SGMS1: variants seen among roughly 807,000 people sequenced by gnomAD.
SGMS1 encodes the protein phosphatidylcholine:ceramide cholinephosphotransferase 1.
SGMS1 carries 13 observed loss-of-function variants against 46.2 expected under a neutral mutation model. The observed-to-expected ratio is 0.28, with a 90% confidence interval of 0.18 to 0.45. The LOEUF is 0.45. Among genes scored for constraint, SGMS1 ranks in the 20% least tolerant of loss-of-function variants. The pLI, the probability that SGMS1 is intolerant of heterozygous loss-of-function variation, is 1.00. For synonymous variants in SGMS1, 203 were observed against 187.8 expected (o/e 1.08, Z -0.66); for missense variants, 324 against 519.9 (o/e 0.62, Z 3.66).
intron 6 of SGMS1, among the ~76,000 whole-genome samples, chr10:50,391,840 T>TAAA (rs146392084): frequency 5.7e-5 from 7 of 123,476 alleles, no homozygotes; most frequent in Admixed American, 8.5e-5. Context: ...ATGCAATCAT[T>TAAA]AAAAAAAAAA....
At chr10:50,595,637 T>C (rs993257646) in intron 1 of SGMS1, among the ~76,000 whole-genome samples, 1 of 152,238 alleles carries the variant, frequency 6.6e-6, no homozygotes, top group Admixed American at 6.5e-5. Flanking sequence ...TATTGTTGAC[T>C]TCAAAGTTCA....
intron 3 of SGMS1, among the ~76,000 whole-genome samples, chr10:50,495,964 G>C (rs539430568): frequency 6.6e-6 from 1 of 152,146 alleles, no homozygotes. Context: ...TTAAAGTCAT[G>C]TGCACGTATT....
chr10:50,539,106 G>A (rs1838029754), intron 2 of SGMS1, among the ~76,000 whole-genome samples: 1 of 152,242 alleles, frequency 6.6e-6, no homozygotes, highest in African/African-American at 2.4e-5. Context: ...AACAGTGACA[G>A]CCCTGGTGAG....
At chr10:50,322,605 G>T (rs978763062) in intron 8 of SGMS1, among the ~76,000 whole-genome samples, 13 of 151,808 alleles carry the variant, frequency 8.6e-5, no homozygotes, top group Non-Finnish European at 1.8e-4. Context: ...GGCCGAGGCG[G>T]GTGGATCATG....
chr10:50,614,227 T>C (rs1003527288), intron 1 of SGMS1, among the ~76,000 whole-genome samples: 1 of 152,122 alleles, frequency 6.6e-6, no homozygotes, highest in African/African-American at 2.4e-5. Context: ...TGCTGACTTA[T>C]ATTTCCAAGT....
At chr10:50,499,938 G>T (rs1238338422) in intron 3 of SGMS1, among the ~76,000 whole-genome samples, 8 of 152,210 alleles carry the variant, frequency 5.3e-5, no homozygotes. Context: ...GGAGGCAAAG[G>T]CGGGCGGATC....
chr10:50,323,089 T>C (rs919054867), intron 8 of SGMS1, among the ~76,000 whole-genome samples: 2 of 152,232 alleles, frequency 1.3e-5, no homozygotes, highest in Middle Eastern at 3.2e-3. Flanking sequence ...GAAACATTTA[T>C]GGGAAGCCTA....
intron 8 of SGMS1, among the ~76,000 whole-genome samples, chr10:50,317,872 C>T (rs1215815026): frequency 5.3e-5 from 8 of 149,766 alleles, no homozygotes; most frequent in East Asian, 2.0e-4. Flanking sequence ...GGCACAATCT[C>T]GGCTCACTGC....
intron 7 of SGMS1, among the ~76,000 whole-genome samples, chr10:50,338,879 A>C (rs983209464): frequency 2.0e-5 from 3 of 151,968 alleles, no homozygotes; most frequent in African/African-American, 4.8e-5. Context: ...AGCTGGGATT[A>C]CAGGTATGTG....
rs1223273649 is a variant in SGMS1 at position 50,308,087 on chromosome 10, G to A, written c.957C>T (p.Ile319=). 6.2e-7 allele frequency: 1 copy of A among 1,613,980 alleles called. No individual in the cohort carries two copies. The highest frequency in any genetic ancestry group is 8.5e-7 in the Non-Finnish European group (1 of 1,179,924). The change falls in exon 10 of 11, where the codon ATC becomes ATT. Residue 319 remains isoleucine, a synonymous_variant. Coordinates refer to ENST00000361781, the MANE Select transcript of SGMS1 (RefSeq NM_147156.4). The part of the protein sequence containing the change: ...WICWLLSVVG[I]FCILLAHDHY... Reference sequence around the variant, plus strand: ...GGTCATGCGCTAAGAGAATACAGAAGATTCCAACTACGCTGAGAAGCCAGC... The same window carrying A: ...GGTCATGCGCTAAGAGAATACAGAAAATTCCAACTACGCTGAGAAGCCAGC...
chr10:50,335,467 A>G (rs1375189118), intron 7 of SGMS1: 2 of 152,228 alleles, frequency 1.3e-5, no homozygotes, highest in African/African-American at 4.8e-5. Flanking sequence ...TTTGTAGGTA[A>G]GGAAACAATG....
chr10:50,523,048 G>A (rs966262060), intron 2 of SGMS1, among the ~76,000 whole-genome samples: 1 of 152,124 alleles, frequency 6.6e-6, no homozygotes, highest in South Asian at 2.1e-4. Context: ...AAGTGTTCAA[G>A]CAGGAAACCA....
At chr10:50,550,503 A>G (rs1022032760) in intron 2 of SGMS1, among the ~76,000 whole-genome samples, 3 of 152,174 alleles carry the variant, frequency 2.0e-5, no homozygotes, top group Non-Finnish European at 4.4e-5. Flanking sequence ...TTTCAAGGCC[A>G]ACACCTCTGG....
intron 7 of SGMS1, among the ~76,000 whole-genome samples, chr10:50,338,333 C>T (rs1183022600): frequency 6.6e-6 from 1 of 152,182 alleles, no homozygotes; most frequent in African/African-American, 2.4e-5. Context: ...TACCCTGTGA[C>T]ATCTAATTTC....
At chr10:50,499,964 C>T (rs757631826) in intron 3 of SGMS1, among the ~76,000 whole-genome samples, 20 of 152,140 alleles carry the variant, frequency 1.3e-4, no homozygotes, top group Non-Finnish European at 2.2e-4. Context: ...GTCTGGAGTT[C>T]GAGACCAGCC....
intron 3 of SGMS1, among the ~76,000 whole-genome samples, chr10:50,504,318 C>A (rs1837686868): frequency 6.6e-6 from 1 of 152,136 alleles, no homozygotes; most frequent in Admixed American, 6.5e-5. Flanking sequence ...AATTCTTAAG[C>A]TTAGGTAAGT....
At position 50,546,153 on chromosome 10, in the gene SGMS1, T is replaced by C. The variant is rs145394504; in HGVS notation, c.-588-26232A>G. ...TCACTCCTGCTTGGTGATTTGGTGA[T>C]TCTGTTGGTTGGACAATGTGGGAGG... On this transcript the variant is annotated intron_variant, in intron 2 of 10. Coordinates refer to ENST00000361781, the MANE Select transcript of SGMS1 (RefSeq NM_147156.4). Among the ~76,000 whole-genome samples, 77 of 152,220 alleles carry C rather than the reference T, an allele frequency of 5.1e-4. 1 individual carries two copies. Among genetic ancestry groups the C allele is most frequent in the South Asian group, 4.2e-3 (20 of 4,816 alleles).
At chr10:50,623,061 A>G (rs1250413795) in intron 1 of SGMS1, among the ~76,000 whole-genome samples, 1 of 151,914 alleles carries the variant, frequency 6.6e-6, no homozygotes, top group Non-Finnish European at 1.5e-5. Flanking sequence ...GCGGGGTCTC[A>G]GAGCCGCCCG....
intron 6 of SGMS1, among the ~76,000 whole-genome samples, chr10:50,357,808 A>G (rs1309436767): frequency 1.3e-5 from 2 of 152,230 alleles, no homozygotes; most frequent in Non-Finnish European, 2.9e-5. Context: ...TTTTTAAGGC[A>G]TGAAGGACTC....
Sources: gnomAD v4.1 joint callset for allele counts (sites outside exome capture counted in the v4.1 genomes callset) on GRCh38, gnomAD v4.1.1 for gene constraint, MANE v1.5 for transcripts, NCBI Gene and HGNC (gene_info 2026-07-23, HGNC 2026-07-21) for gene names.